PRAMEF15: variants seen among roughly 807,000 people sequenced by gnomAD.
PRAMEF15 encodes the protein PRAME family member 15.
PRAMEF15 carries 21 observed loss-of-function variants against 35.3 expected under a neutral mutation model. The ratio of observed to expected loss-of-function variants is 0.59; its 90% CI spans 0.42 to 0.86. PRAMEF15 has a LOEUF of 0.86. Ranked by LOEUF, PRAMEF15 falls within the 40% of genes least tolerant of loss-of-function variation. PRAMEF15 has a pLI of 0.00. For missense variants in PRAMEF15, 360 were observed against 574.1 expected (o/e 0.63, Z 3.81); for synonymous variants, 122 against 223.3 (o/e 0.55, Z 4.05).
intron 1 of PRAMEF15, among the ~76,000 whole-genome samples, chr1:13,317,731 C>T (rs1168192215): frequency 6.6e-6 from 1 of 151,352 alleles, no homozygotes; most frequent in Non-Finnish European, 1.5e-5. Context: ...AGCTGAGATC[C>T]CACCACTACA....
At chr1:13,317,686 A>G (rs1640024110) in intron 1 of PRAMEF15, among the ~76,000 whole-genome samples, 1 of 151,658 alleles carries the variant, frequency 6.6e-6, no homozygotes, top group African/African-American at 2.4e-5. Flanking sequence ...CTGAGGAGGA[A>G]GAATCCTTTG....
At chr1:13,318,198 G>C (rs1311619399) in intron 1 of PRAMEF15, among the ~76,000 whole-genome samples, 194 bp from the exon 2 acceptor site, 1 of 152,118 alleles carries the variant, frequency 6.6e-6, no homozygotes, top group Non-Finnish European at 1.5e-5. Context: ...CTTCCTCACT[G>C]CTTCGGAGAC....
chr1:13,320,549 G>A (rs1216193966), intron 3 of PRAMEF15, among the ~76,000 whole-genome samples: 2 of 151,978 alleles, frequency 1.3e-5, no homozygotes, highest in Non-Finnish European at 2.9e-5. Flanking sequence ...TCAGCCTCCT[G>A]AGTGCCTGGG....
chr1:13,316,897 A>G (rs1342944702), intron 1 of PRAMEF15, among the ~76,000 whole-genome samples: 2 of 150,674 alleles, frequency 1.3e-5, no homozygotes, highest in African/African-American at 2.5e-5. Flanking sequence ...TGAAGGACAC[A>G]TATTAGTAAA....
rs1469457944 is a variant in PRAMEF15, at chr1:13,317,441, G to C, written c.-16-951G>C. Reference sequence around the variant, plus strand: ...TCTATCTTGCGAATGATGCATAACAGTGTCACATAGCTTTCAAAGCTTCTC... The same window carrying C: ...TCTATCTTGCGAATGATGCATAACACTGTCACATAGCTTTCAAAGCTTCTC... On this transcript the variant is annotated intron_variant, in intron 1 of 3. Coordinates refer to ENST00000376152, the MANE Select transcript of PRAMEF15 (RefSeq NM_001098376.3). Among the ~76,000 whole-genome samples, 471 of 152,014 alleles carry C rather than the reference G, an allele frequency of 3.1e-3. 3 individuals carry two copies. Among genetic ancestry groups the C allele is most frequent in the African/African-American group, 0.011 (445 of 41,436 alleles).
Position 13,319,907 on chromosome 1 carries a change from A to G in PRAMEF15, c.829A>G (p.Met277Val), listed in dbSNP as rs1640060471. The G allele has an allele frequency of 3.1e-6, 5 of 1,609,492 alleles. No individual in the cohort carries two copies. The highest frequency in any genetic ancestry group is 3.4e-6 in the Non-Finnish European group (4 of 1,179,826). Reference sequence around the variant, plus strand: ...GCTGCGCTGCCTCCAAAAGCTTTATATGAACTCTGTTTCTTTCCTCGAAGG... The same window carrying G: ...GCTGCGCTGCCTCCAAAAGCTTTATGTGAACTCTGTTTCTTTCCTCGAAGG... ...LKLRCLQKLYMNSVSFLEGHL... is the reference protein window; with the variant it reads ...LKLRCLQKLYVNSVSFLEGHL... The change falls in exon 3 of 4, where the codon ATG (methionine) becomes GTG (valine). Residue 277 changes from methionine to valine, a missense_variant. Physicochemically the swap from Met to Val is conservative, Grantham distance 21 (BLOSUM62 1). Transcript: ENST00000376152.
rs1382898031 is a variant in PRAMEF15 at position 13,317,020 on chromosome 1, C to T, written c.-17+1362C>T. Among the ~76,000 whole-genome samples, 432 of 150,072 alleles carry T rather than the reference C, an allele frequency of 2.9e-3. 5 individuals are homozygous for T. The highest frequency in any genetic ancestry group is 0.01 in the African/African-American group (417 of 40,316). ...TTCGATCAGTTATTCTTTAAGAAAG[C>T]CAAAAATCCAATAAGGATTAACTGG... On this transcript the variant is annotated intron_variant, in intron 1 of 3. Coordinates refer to ENST00000376152, the MANE Select transcript of PRAMEF15 (RefSeq NM_001098376.3).
At chr1:13,317,310 T>A (rs1189744401) in intron 1 of PRAMEF15, among the ~76,000 whole-genome samples, 1 of 151,888 alleles carries the variant, frequency 6.6e-6, no homozygotes, top group African/African-American at 2.4e-5. Context: ...TCTCAGATGA[T>A]CCACCTGCCT....
chr1:13,321,519 G>T (rs1640083091), intron 3 of PRAMEF15, among the ~76,000 whole-genome samples, 184 bp from the exon 4 acceptor site: 1 of 151,876 alleles, frequency 6.6e-6, no homozygotes, highest in Non-Finnish European at 1.5e-5. Flanking sequence ...CGGGTCTAAA[G>T]TGGAATTGAC....
At position 13,321,786 on chromosome 1, in the gene PRAMEF15, C is replaced by T. The variant is rs1395980565; in HGVS notation, c.959C>T (p.Pro320Leu). ...GACTTGAAGCATCTATCCCAGTGCC[C>T]GAGTATCAGTCAACTAAAGACCCTG... ...ESDLKHLSQC[P>L]SISQLKTLDL... The change falls in exon 4 of 4, where the codon CCG (proline) becomes CTG (leucine). Residue 320 changes from proline (P) to leucine (L), a missense_variant. By Grantham distance (98) the Pro-to-Leu change is moderately conservative. Transcript: ENST00000376152. 22 of 1,608,450 alleles carry T rather than the reference C, an allele frequency of 1.4e-5. No individual in the cohort carries two copies. The highest frequency in any genetic ancestry group is 4.4e-5 in the South Asian group (4 of 90,750).
In PRAMEF15 at chr1:13,319,963, G is replaced by A. The variant is rs1640061257; in HGVS notation, c.875+10G>A. 1.9e-6 allele frequency: 3 copies of A among 1,611,452 alleles called. No homozygotes were observed. Among genetic ancestry groups the A allele is most frequent in the Non-Finnish European group, 2.5e-6 (3 of 1,179,848 alleles). On this transcript the variant is annotated intron_variant, in intron 3 of 3. Coordinates refer to ENST00000376152, the MANE Select transcript of PRAMEF15 (RefSeq NM_001098376.3). Reference sequence around the variant, plus strand: ...TGGACCAGCTGCTCAGGTGAGGGAGGATGGTGAGCTTTCTCTGCAGACCAC... The same window carrying A: ...TGGACCAGCTGCTCAGGTGAGGGAGAATGGTGAGCTTTCTCTGCAGACCAC...
intron 1 of PRAMEF15, among the ~76,000 whole-genome samples, chr1:13,316,269 G>C (rs1313673415): frequency 2.0e-5 from 3 of 151,600 alleles, no homozygotes; most frequent in African/African-American, 7.3e-5. Context: ...CTCCCAAAGT[G>C]CTGGGATTAC....
Position 13,320,054 on chromosome 1 carries a change from G to A in PRAMEF15, c.875+101G>A, listed in dbSNP as rs1448659050. On this transcript the variant is annotated intron_variant, in intron 3 of 3. Transcript: ENST00000376152. ...TGAGCCAGCCTATGAGGATGAAACAGTGAAGAGGACACTAGAATGTCCATG... is the reference window on the plus strand; with the variant it reads ...TGAGCCAGCCTATGAGGATGAAACAATGAAGAGGACACTAGAATGTCCATG... The A allele has an allele frequency of 4.7e-5, 75 of 1,597,630 alleles. No individual in the cohort carries two copies. The East Asian group carries it at 1.3e-3, about 28-fold the overall frequency.
Position 13,318,455 on chromosome 1 carries a change from G to A in PRAMEF15, c.48G>A (p.Gly16=). ...RTPPRLLELA[G]RSLLRDQALA... is the part of the protein sequence containing the mutation. ...CACCCAGACTCCTGGAGCTTGCAGG[G>A]CGGAGCCTGCTGAGGGACCAAGCTT... is the stretch of plus-strand genomic sequence containing the variant. The change falls in exon 2 of 4, where the codon GGG becomes GGA. Residue 16 remains glycine, a synonymous_variant. Transcript: ENST00000376152. The A allele has an allele frequency of 2.5e-6, 4 of 1,614,010 alleles. No homozygotes were observed. Among genetic ancestry groups the A allele is most frequent in the East Asian group, 2.2e-5 (1 of 44,884 alleles).
chr1:13,319,193 C>CAA (rs375566005), intron 2 of PRAMEF15, among the ~76,000 whole-genome samples, 179 bp from the exon 3 acceptor site: 16 of 77,176 alleles, frequency 2.1e-4, no homozygotes, highest in African/African-American at 4.0e-4. Context: ...GACTTGGTCT[C>CAA]AAAAAAAAAA....
At chr1:13,319,140 G>T (rs1640046100) in intron 2 of PRAMEF15, among the ~76,000 whole-genome samples, 2 of 151,472 alleles carry the variant, frequency 1.3e-5, no homozygotes, top group Admixed American at 1.3e-4. Flanking sequence ...GTTGCAGTGA[G>T]GTGACATCAC....
chr1:13,316,496 C>G (rs1439032737), intron 1 of PRAMEF15, among the ~76,000 whole-genome samples: 1 of 151,786 alleles, frequency 6.6e-6, no homozygotes, highest in Non-Finnish European at 1.5e-5. Context: ...TCCTCTTCCA[C>G]CCAAATGGAG....
At chr1:13,318,071 C>A (rs1468384160) in intron 1 of PRAMEF15, among the ~76,000 whole-genome samples, 2 of 149,068 alleles carry the variant, frequency 1.3e-5, no homozygotes, top group South Asian at 2.2e-4. Flanking sequence ...TGTTTTAGAT[C>A]CTTGAGTAAT....
chr1:13,320,086 C>T (rs1336016936), intron 3 of PRAMEF15, 133 bp downstream of exon 3: 2 of 1,566,528 alleles, frequency 1.3e-6, no homozygotes, highest in Middle Eastern at 2.3e-4. Flanking sequence ...CATGCATTGT[C>T]CTGTTGGTGG....
Sources: allele counts gnomAD v4.1 joint callset (sites outside exome capture counted in the v4.1 genomes callset), GRCh38; gene constraint gnomAD v4.1.1; transcripts MANE v1.5; gene names NCBI Gene and HGNC (gene_info 2026-07-23, HGNC 2026-07-21).